ZFHX3: variants seen among roughly 807,000 people sequenced by gnomAD.
ZFHX3 encodes the protein zinc finger homeobox protein 3.
Under a neutral mutation model 279.1 loss-of-function variants are expected in ZFHX3, and 42 were observed. The observed-to-expected ratio is 0.15, with a 90% confidence interval of 0.12 to 0.19. The LOEUF (loss-of-function observed/expected upper bound fraction) is 0.19, where lower values mean the gene tolerates loss of function less well. Ranked by LOEUF, ZFHX3 falls within the 10% of genes least tolerant of loss-of-function variation. The pLI, the probability that ZFHX3 is intolerant of heterozygous loss-of-function variation, is 1.00. For synonymous variants in ZFHX3, 2,293 were observed against 1,957.8 expected, an observed-to-expected ratio of 1.17 and a Z score of -4.52; for missense variants, 4,981 against 4,754.0, an observed-to-expected ratio of 1.05 and a Z score of -1.40.
At chr16:73,697,199 T>C (rs1317364686) in intron 1 of ZFHX3, among the ~76,000 whole-genome samples, 2 of 151,582 alleles carry the variant, frequency 1.3e-5, no homozygotes, top group Admixed American at 1.3e-4. Flanking sequence ...GGAAAACATC[T>C]ATCATGAATT....
chr16:73,105,762 A>C (rs1966296255), intron 7 of ZFHX3, among the ~76,000 whole-genome samples: 3 of 152,132 alleles, frequency 2.0e-5, no homozygotes, highest in Non-Finnish European at 4.4e-5. Context: ...CAAAAAATAA[A>C]ATTAAATTAA....
chr16:73,421,307 G>A (rs557668363), intron 3 of ZFHX3: 16 of 152,320 alleles, frequency 1.1e-4, no homozygotes, highest in African/African-American at 3.6e-4. Context: ...TTTTAACAGA[G>A]TGATCACAAT....
intron 3 of ZFHX3, among the ~76,000 whole-genome samples, chr16:73,351,086 A>G (rs1347646439): frequency 6.6e-6 from 1 of 152,216 alleles, no homozygotes; most frequent in Admixed American, 6.5e-5. Flanking sequence ...TAAGGATGGC[A>G]AGTTAAACAG....
chr16:73,146,415 A>C (rs1172555958), intron 5 of ZFHX3, among the ~76,000 whole-genome samples: 1 of 150,534 alleles, frequency 6.6e-6, no homozygotes, highest in East Asian at 2.0e-4. Context: ...TGACACAGCG[A>C]GACTCCATCT....
intron 1 of ZFHX3, among the ~76,000 whole-genome samples, chr16:73,705,852 T>A (rs949184147): frequency 1.3e-5 from 2 of 152,318 alleles, no homozygotes; most frequent in Admixed American, 6.5e-5. Context: ...TATGGCCCTA[T>A]ACATTCAGCC....
At chr16:73,346,626 T>C (rs1313346562) in intron 3 of ZFHX3, among the ~76,000 whole-genome samples, 1 of 152,194 alleles carries the variant, frequency 6.6e-6, no homozygotes, top group African/African-American at 2.4e-5. Flanking sequence ...TGTATGCCAC[T>C]ATGCCTGGCT....
intron 4 of ZFHX3, among the ~76,000 whole-genome samples, chr16:73,299,324 G>T (rs2014999540): frequency 6.6e-6 from 1 of 152,156 alleles, no homozygotes; most frequent in African/African-American, 2.4e-5. Flanking sequence ...TCATAAGAGG[G>T]TGAAATAATG....
chr16:72,829,675 T>A, intron 5 of ZFHX3, 104 bp downstream of exon 5: 4 of 1,309,364 alleles, frequency 3.1e-6, no homozygotes, highest in Admixed American at 3.6e-5. Context: ...TAAGGATGTA[T>A]CCGCTCCCTG....
At position 73,601,029 on chromosome 16, in the gene ZFHX3, G is replaced by A. The variant is rs2052109287; in HGVS notation, c.-1547+79151C>T. Among the ~76,000 whole-genome samples the A allele has an allele frequency of 2.7e-5, 4 of 149,638 alleles. No homozygotes were observed. In the South Asian group the frequency reaches 8.5e-4, roughly 32 times the overall value. On this transcript the variant is annotated intron_variant, in intron 2 of 17. Transcript: ENST00000641206. Reference sequence around the variant, plus strand: ...TTTGTTTCTCAAAAAAAAAAAAAATGTTGAGTGTTTTATTAGCAAATACAT... The same window carrying A: ...TTTGTTTCTCAAAAAAAAAAAAAATATTGAGTGTTTTATTAGCAAATACAT...
intron 2 of ZFHX3, among the ~76,000 whole-genome samples, chr16:72,956,017 T>C (rs1450896847): frequency 6.6e-6 from 1 of 152,342 alleles, no homozygotes; most frequent in African/African-American, 2.4e-5. Context: ...GCATCCACAA[T>C]TAGCCAGTTG....
chr16:73,360,236 C>T (rs559233017), intron 3 of ZFHX3, among the ~76,000 whole-genome samples: 15 of 152,264 alleles, frequency 9.9e-5, no homozygotes, highest in African/African-American at 3.4e-4. Context: ...ACAACACAAC[C>T]GTGAGTTGCG....
intron 1 of ZFHX3, among the ~76,000 whole-genome samples, chr16:73,753,611 G>T (rs117269291): frequency 0.012 from 1,882 of 152,274 alleles, 22 homozygotes; most frequent in Non-Finnish European, 0.023. Flanking sequence ...TGCTCAGCAA[G>T]GTAGCAGTAC....
At chr16:73,412,692 T>G (rs1183822120) in intron 3 of ZFHX3, among the ~76,000 whole-genome samples, 1 of 152,174 alleles carries the variant, frequency 6.6e-6, no homozygotes, top group Non-Finnish European at 1.5e-5. Context: ...TAAATAGGCT[T>G]TTGTGGGCTG....
chr16:73,217,749 G>C (rs764298958), intron 5 of ZFHX3, among the ~76,000 whole-genome samples: 7 of 152,002 alleles, frequency 4.6e-5, no homozygotes, highest in Non-Finnish European at 7.4e-5. Context: ...CCTCACAATA[G>C]GGCTATTTAT....
chr16:73,639,903 G>A (rs1041434460), intron 2 of ZFHX3, among the ~76,000 whole-genome samples: 2 of 152,166 alleles, frequency 1.3e-5, no homozygotes, highest in African/African-American at 2.4e-5. Flanking sequence ...CAGAGCACAG[G>A]AAACTGAAAT....
intron 7 of ZFHX3, among the ~76,000 whole-genome samples, chr16:73,116,139 T>A (rs1407405833): frequency 1.1e-4 from 16 of 143,922 alleles, no homozygotes; most frequent in Admixed American, 1.0e-3. Context: ...AAAAAAAAAA[T>A]GTTGCTCTCT....
At chr16:73,198,043 T>C (rs1196084307) in intron 5 of ZFHX3, among the ~76,000 whole-genome samples, 1 of 149,918 alleles carries the variant, frequency 6.7e-6, no homozygotes, top group Non-Finnish European at 1.5e-5. Flanking sequence ...GTTCAAGTGA[T>C]TCTCCTGCCT....
chr16:73,202,944 A>G (rs1447140851), intron 5 of ZFHX3, among the ~76,000 whole-genome samples: 7 of 114,588 alleles, frequency 6.1e-5, no homozygotes, highest in Non-Finnish European at 1.3e-4. Context: ...ACGCCTTGAC[A>G]TAACTTTTTT....
chr16:73,231,107 G>A (rs2012758457), intron 5 of ZFHX3, among the ~76,000 whole-genome samples: 1 of 152,166 alleles, frequency 6.6e-6, no homozygotes, highest in Non-Finnish European at 1.5e-5. Context: ...ACTGGGAGCG[G>A]GGACCACCAT....
Sources: gnomAD v4.1 joint callset for allele counts (sites outside exome capture counted in the v4.1 genomes callset) on GRCh38, gnomAD v4.1.1 for gene constraint, MANE v1.5 for transcripts, NCBI Gene and HGNC (gene_info 2026-07-23, HGNC 2026-07-21) for gene names.